The following WWP2 variants were observed in gnomAD, a reference collection of about 807,000 sequenced individuals.
WWP2 encodes the protein WW domain containing E3 ubiquitin protein ligase 2, also known as NEDD4-like E3 ubiquitin-protein ligase WWP2.
Under a neutral mutation model 121.0 loss-of-function variants are expected in WWP2, and 57 were observed. The ratio of observed to expected loss-of-function variants is 0.47; its 90% confidence interval spans 0.38 to 0.59. WWP2 has a LOEUF of 0.59. WWP2 is among the 20% of genes least tolerant of loss of function. The pLI, the probability that WWP2 is intolerant of heterozygous loss-of-function variation, is 0.00. For synonymous variants in WWP2, 449 were observed against 441.3 expected (o/e 1.02, Z -0.22); for missense variants, 962 against 1,158.9 (o/e 0.83, Z 2.47).
At chr16:69,771,784 G>C in intron 1 of WWP2, among the ~76,000 whole-genome samples, 1 of 151,944 alleles carries the variant, frequency 6.6e-6, no homozygotes, top group Non-Finnish European at 1.5e-5. Context: ...TGTATGCTAG[G>C]ACCCAAGTGC....
At chr16:69,820,053 A>G (rs1479327507) in intron 4 of WWP2, among the ~76,000 whole-genome samples, 1 of 152,118 alleles carries the variant, frequency 6.6e-6, no homozygotes, top group African/African-American at 2.4e-5. Flanking sequence ...CCTGGGCAAC[A>G]TAGTGAGACC....
chr16:69,912,032 G>A (rs2058385422), intron 9 of WWP2, among the ~76,000 whole-genome samples: 1 of 152,146 alleles, frequency 6.6e-6, no homozygotes, highest in Admixed American at 6.6e-5. Context: ...GCTCACGCCT[G>A]TAATCCCAGC....
intron 8 of WWP2, among the ~76,000 whole-genome samples, chr16:69,905,631 G>A (rs2058277892): frequency 6.6e-6 from 1 of 152,208 alleles, no homozygotes; most frequent in South Asian, 2.1e-4. Context: ...CTGGTCCCAA[G>A]CATCTAGAGA....
chr16:69,890,112 G>T (rs942380587), intron 8 of WWP2, among the ~76,000 whole-genome samples: 1 of 149,760 alleles, frequency 6.7e-6, no homozygotes, highest in African/African-American at 2.5e-5. Flanking sequence ...GCACCACCAT[G>T]CCTGGATAAT....
At chr16:69,876,355 T>G (rs780578021) in intron 7 of WWP2, among the ~76,000 whole-genome samples, 50 of 114,298 alleles carry the variant, frequency 4.4e-4, no homozygotes, top group Non-Finnish European at 2.2e-4. Context: ...TTTTTTGGGG[T>G]TTTTTTTTTT....
At chr16:69,883,441 C>T (rs957673474) in intron 7 of WWP2, among the ~76,000 whole-genome samples, 1 of 151,968 alleles carries the variant, frequency 6.6e-6, no homozygotes, top group Non-Finnish European at 1.5e-5. Context: ...TTTACTCCTA[C>T]TTTTTGAGGG....
chr16:69,811,222 C>T (rs566202229), intron 4 of WWP2, among the ~76,000 whole-genome samples: 1 of 152,170 alleles, frequency 6.6e-6, no homozygotes, highest in Non-Finnish European at 1.5e-5. Context: ...CCCAGGAGCA[C>T]TGCAGACTTT....
intron 2 of WWP2, among the ~76,000 whole-genome samples, chr16:69,789,838 AG>A (rs1430987758): frequency 6.6e-6 from 1 of 152,152 alleles, no homozygotes; most frequent in Non-Finnish European, 1.5e-5. Flanking sequence ...GAACAGCATG[AG>A]GGTCAGGGGT....
intron 21 of WWP2, among the ~76,000 whole-genome samples, chr16:69,938,777 G>C (rs1237716090): frequency 3.3e-5 from 5 of 152,244 alleles, no homozygotes; most frequent in African/African-American, 7.2e-5. Context: ...GATGGGAAGA[G>C]AATACCCAGC....
chr16:69,793,672 A>AAGTC (rs144399556), intron 2 of WWP2, among the ~76,000 whole-genome samples: 6,764 of 152,116 alleles, frequency 0.044, 516 homozygotes, highest in African/African-American at 0.15. Flanking sequence ...GATTGCCAGA[A>AAGTC]AGAAAAAATC....
chr16:69,888,720 T>C (rs2057973051), intron 8 of WWP2, among the ~76,000 whole-genome samples: 1 of 152,106 alleles, frequency 6.6e-6, no homozygotes, highest in South Asian at 2.1e-4. Context: ...TTTTTTTTTT[T>C]TAGAGATGGA....
At chr16:69,932,969 C>T (rs1311717972) in intron 16 of WWP2, 15 of 465,926 alleles carry the variant, frequency 3.2e-5, no homozygotes, top group South Asian at 1.1e-4. Flanking sequence ...GTCCTCTGTT[C>T]GGTGGTGGCG....
chr16:69,928,587 G>T (rs898230966), intron 11 of WWP2, among the ~76,000 whole-genome samples: 1 of 152,080 alleles, frequency 6.6e-6, no homozygotes, highest in African/African-American at 2.4e-5. Flanking sequence ...ACATTCCCCT[G>T]TCTCAAAGCA....
chr16:69,867,614 TG>T (rs1429938611), intron 6 of WWP2, among the ~76,000 whole-genome samples: 1 of 152,188 alleles, frequency 6.6e-6, no homozygotes, highest in African/African-American at 2.4e-5. Flanking sequence ...AGAACCACTT[TG>T]GGGAGCGTGG....
Position 69,937,350 on chromosome 16 carries a change from A to G in WWP2, c.2238+112A>G, listed in dbSNP as rs2058815192. The G allele has an allele frequency of 3.3e-6, 5 of 1,522,642 alleles. No individual in the cohort carries two copies. The African/African-American group carries it at 6.9e-5, about 21-fold the overall frequency. 94.3% of individuals were successfully genotyped at this position (1,522,642 alleles called of 1,614,324 possible). On this transcript the variant is annotated intron_variant, in intron 20 of 23. Transcript: ENST00000359154. The surrounding 1 kb of genome is among the most constrained non-coding windows in gnomAD (Gnocchi z 6.6). ...CTCAGCGTAAAACTCCCACTTCGGC[A>G]GGGCAGATGGGTTTGATTTGGGACC...
intron 6 of WWP2, among the ~76,000 whole-genome samples, chr16:69,857,639 C>A (rs982392587): frequency 1.3e-5 from 2 of 148,690 alleles, no homozygotes; most frequent in African/African-American, 5.0e-5. Flanking sequence ...TTTCAAATGG[C>A]CTTTGAAGGT....
At chr16:69,853,833 T>A (rs957661369) in intron 6 of WWP2, among the ~76,000 whole-genome samples, 1 of 152,316 alleles carries the variant, frequency 6.6e-6, no homozygotes, top group Middle Eastern at 3.4e-3. Context: ...CTGTCATTCA[T>A]GGAGACAAGA....
chr16:69,832,254 A>G (rs977258781), intron 4 of WWP2, among the ~76,000 whole-genome samples: 4 of 152,122 alleles, frequency 2.6e-5, no homozygotes, highest in Non-Finnish European at 5.9e-5. Context: ...ATGAATCCCC[A>G]CATGCCATTA....
At position 69,799,377 on chromosome 16, in the gene WWP2, C is replaced by A. The variant is rs888914380; in HGVS notation, c.340+82C>A. 5.8e-6 allele frequency: 9 copies of A among 1,539,580 alleles called. No homozygotes were observed. The South Asian group carries it at 8.7e-5, about 15-fold the overall frequency. On this transcript the variant is annotated intron_variant, in intron 4 of 23. Transcript: ENST00000359154. This position sits in a 1 kb window ranked among gnomAD's most constrained non-coding sequence, Gnocchi z 4.5. ...GCAGATCAACCTGGTATTGCAATTT[C>A]CCCCAGGACTAGGGGCTGCAGTACC...
Sources: allele counts gnomAD v4.1 joint callset (sites outside exome capture counted in the v4.1 genomes callset), GRCh38; gene constraint gnomAD v4.1.1; non-coding constraint Gnocchi (gnomAD v3.1); transcripts MANE v1.5; gene names NCBI Gene and HGNC (gene_info 2026-07-23, HGNC 2026-07-21).